The following ADAMTS3 variants were observed in gnomAD, a reference collection of about 807,000 sequenced individuals.
The protein encoded by ADAMTS3 is ADAM metallopeptidase with thrombospondin type 1 motif 3.
Under a neutral mutation model 129.0 loss-of-function variants are expected in ADAMTS3, and 73 were observed. The observed-to-expected ratio is 0.57, with a 90% CI of 0.47 to 0.69. ADAMTS3 has a LOEUF of 0.69. Among genes scored for constraint, ADAMTS3 ranks in the 30% least tolerant of loss-of-function variants. The pLI, the probability that ADAMTS3 is intolerant of heterozygous loss-of-function variation, is 0.00. For synonymous variants in ADAMTS3, 477 were observed against 510.8 expected (o/e 0.93, Z 0.89); for missense variants, 1,457 against 1,514.5 (o/e 0.96, Z 0.63).
Position 72,295,797 on chromosome 4 carries a change from A to G in ADAMTS3, c.2591-11T>C, listed in dbSNP as rs527868494. The stretch of plus-strand genomic sequence containing the variant: ...TAGTGTACTGGAAACCTGGAAAAGG[A>G]AATAAAGTTCTTTGGATTTAATCAC... On this transcript the variant is annotated splice_polypyrimidine_tract_variant and intron_variant, in intron 18 of 21. Transcript: ENST00000286657. 6.2e-7 allele frequency: 1 copy of G among 1,608,358 alleles called. No homozygotes were observed. Among genetic ancestry groups the G allele is most frequent in the Non-Finnish European group, 8.5e-7 (1 of 1,177,472 alleles).
chr4:72,361,545 G>T (rs2109855657), intron 4 of ADAMTS3, among the ~76,000 whole-genome samples: 1 of 152,106 alleles, frequency 6.6e-6, no homozygotes, highest in African/African-American at 2.4e-5. Context: ...TTCTGTTTTT[G>T]TAATTATGGA....
rs770440814 is a variant in ADAMTS3 at position 72,414,807 on chromosome 4, A to G, written c.661+8T>C. ...TATTTCATTATTAAGCTTTGTCAAGACGCCTACCTCTGTAGTGGAAGTCTT... is the reference window on the plus strand; with the variant it reads ...TATTTCATTATTAAGCTTTGTCAAGGCGCCTACCTCTGTAGTGGAAGTCTT... On this transcript the variant is annotated splice_region_variant and intron_variant, in intron 4 of 21. Coordinates refer to ENST00000286657, the MANE Select transcript of ADAMTS3 (RefSeq NM_014243.3). 39 of 1,401,090 alleles carry G rather than the reference A, an allele frequency of 2.8e-5. No individual in the cohort carries two copies. The highest frequency in any genetic ancestry group is 3.4e-5 in the Non-Finnish European group (36 of 1,072,850). The allele number at this position is 1,401,090 out of a possible 1,614,324, so 86.8% of individuals were successfully genotyped here. A position where few individuals can be genotyped will look rare whatever the true frequency, so the allele number is the denominator to read the frequency against.
chr4:72,414,480 A>C (rs1722256314), intron 4 of ADAMTS3, among the ~76,000 whole-genome samples: 1 of 152,002 alleles, frequency 6.6e-6, no homozygotes, highest in African/African-American at 2.4e-5. Context: ...TTAAAATAAC[A>C]GTGATAATTC....
At chr4:72,385,179 C>CAA (rs60931708) in intron 4 of ADAMTS3, among the ~76,000 whole-genome samples, 8 of 117,900 alleles carry the variant, frequency 6.8e-5, no homozygotes, top group African/African-American at 2.5e-4. Context: ...GACTCTGTCT[C>CAA]AAAAAAAAAA....
intron 3 of ADAMTS3, among the ~76,000 whole-genome samples, chr4:72,468,525 C>T (rs979566647): frequency 6.6e-6 from 1 of 151,956 alleles, no homozygotes; most frequent in Non-Finnish European, 1.5e-5. Context: ...CTTGATGTAT[C>T]AGTTATATTA....
At chr4:72,419,581 T>A (rs1024697486) in intron 3 of ADAMTS3, among the ~76,000 whole-genome samples, 1 of 152,166 alleles carries the variant, frequency 6.6e-6, no homozygotes, top group African/African-American at 2.4e-5. Context: ...CCAACACAAA[T>A]TCGTAAACTT....
intron 4 of ADAMTS3, among the ~76,000 whole-genome samples, chr4:72,360,337 C>A (rs1720688452): frequency 6.6e-6 from 1 of 151,988 alleles, no homozygotes; most frequent in African/African-American, 2.4e-5. Context: ...AAATTCTCGA[C>A]CTGAATGCCT....
rs78552132 is a variant in ADAMTS3, at chr4:72,430,208, T to C, written c.505-15237A>G. ...GAGATAGAGTTTAATTTCCTTGCCC[T>C]TGAATCTAGGCCAGCTTTCATGACT... On this transcript the variant is annotated intron_variant, in intron 3 of 21. Transcript: ENST00000286657. 2.0e-3 allele frequency among the ~76,000 whole-genome samples: 306 copies of C among 152,176 alleles called. 1 individual carries two copies. Among genetic ancestry groups the C allele is most frequent in the African/African-American group, 6.9e-3 (288 of 41,530 alleles).
At position 72,548,789 on chromosome 4, in the gene ADAMTS3, G is replaced by A; in HGVS notation, c.193C>T (p.His65Tyr). The A allele has an allele frequency of 6.2e-7, 1 of 1,613,834 alleles. No individual in the cohort carries two copies. The highest frequency in any genetic ancestry group is 1.1e-5 in the South Asian group (1 of 91,068). Residue 65 changes from histidine to tyrosine, a missense_variant, in exon 3 of 22, where the codon CAC becomes TAC. Transcript: ENST00000286657. Reference protein sequence around the residue: ...RYLSHTLSASHKKRSARDVSS... With the variant: ...RYLSHTLSASYKKRSARDVSS... ...ACGTCCCTCGCTGACCTCTTTTTGT[G>A]ACTCGCAGAAAGAGTATGGGAGAGA... is the stretch of plus-strand genomic sequence containing the variant.
intron 3 of ADAMTS3, among the ~76,000 whole-genome samples, chr4:72,538,289 A>G (rs1721232102): frequency 6.6e-6 from 1 of 152,222 alleles, no homozygotes; most frequent in Admixed American, 6.5e-5. Context: ...TAAGAAGCTC[A>G]ATAAACTTCA....
chr4:72,391,997 C>T (rs1721607216), intron 4 of ADAMTS3, among the ~76,000 whole-genome samples: 1 of 152,202 alleles, frequency 6.6e-6, no homozygotes, highest in Non-Finnish European at 1.5e-5. Flanking sequence ...TACTCTTTCT[C>T]TTAAAAAATA....
intron 3 of ADAMTS3, among the ~76,000 whole-genome samples, chr4:72,490,503 A>C (rs1213873122): frequency 2.0e-5 from 3 of 151,894 alleles, no homozygotes; most frequent in Middle Eastern, 3.2e-3. Context: ...TTAAGCTTTT[A>C]ATACATTTGA....
intron 5 of ADAMTS3, among the ~76,000 whole-genome samples, chr4:72,334,548 C>T (rs954746104): frequency 4.6e-5 from 7 of 152,108 alleles, no homozygotes. Flanking sequence ...TAAAACTCTA[C>T]TCTCTTGAAG....
chr4:72,339,520 T>C lies in ADAMTS3; in HGVS notation c.835A>G (p.Asn279Asp). 6.2e-7 allele frequency: 1 copy of C among 1,613,898 alleles called. No homozygotes were observed. Among genetic ancestry groups the C allele is most frequent in the East Asian group, 2.2e-5 (1 of 44,870 alleles). Reference protein sequence around the residue: ...VRFHGKEHVQNYLLTLMNIVN... With the variant: ...VRFHGKEHVQDYLLTLMNIVN... The stretch of plus-strand genomic sequence containing the variant: ...ATGTTCATTAGGGTCAGGAGGTAGT[T>C]TTGGACGTGCTCTTTGCCATGGAAA... Residue 279 changes from asparagine to aspartate, a missense_variant, in exon 5 of 22, where the codon AAC becomes GAC. Coordinates refer to ENST00000286657, the MANE Select transcript of ADAMTS3 (RefSeq NM_014243.3).
At chr4:72,501,740 T>C (rs1720030739) in intron 3 of ADAMTS3, among the ~76,000 whole-genome samples, 1 of 152,062 alleles carries the variant, frequency 6.6e-6, no homozygotes, top group Non-Finnish European at 1.5e-5. Context: ...TTGTCTCCTA[T>C]GGGTTGGTCA....
At chr4:72,463,708 A>C (rs1718840382) in intron 3 of ADAMTS3, among the ~76,000 whole-genome samples, 1 of 151,864 alleles carries the variant, frequency 6.6e-6, no homozygotes, top group Admixed American at 6.6e-5. Flanking sequence ...CAAAAAAAAA[A>C]AAAAAAAAGC....
At chr4:72,559,616 T>C (rs1721850785) in intron 2 of ADAMTS3, among the ~76,000 whole-genome samples, 1 of 151,718 alleles carries the variant, frequency 6.6e-6, no homozygotes, top group Non-Finnish European at 1.5e-5. Context: ...GAAGTACCTC[T>C]CTTTGAGTAA....
At chr4:72,370,224 C>T (rs561352335) in intron 4 of ADAMTS3, among the ~76,000 whole-genome samples, 4 of 152,290 alleles carry the variant, frequency 2.6e-5, no homozygotes, top group African/African-American at 9.6e-5. Flanking sequence ...GACCTCTCCT[C>T]ATCTGTGAAC....
At chr4:72,438,439 G>C (rs920264288) in intron 3 of ADAMTS3, among the ~76,000 whole-genome samples, 1 of 151,680 alleles carries the variant, frequency 6.6e-6, no homozygotes, top group Non-Finnish European at 1.5e-5. Context: ...TAAAATAACT[G>C]AATGTGTTTA....
Sources: allele counts gnomAD v4.1 joint callset (sites outside exome capture counted in the v4.1 genomes callset), GRCh38; gene constraint gnomAD v4.1.1; transcripts MANE v1.5; gene names NCBI Gene and HGNC (gene_info 2026-07-23, HGNC 2026-07-21).